The following SEC24D variants were observed in gnomAD, a reference collection of about 807,000 sequenced individuals.
The protein encoded by SEC24D is SEC24 homolog D, COPII component.
In SEC24D, 69 loss-of-function variants were observed where a neutral mutation model predicts 116.9. That is an observed-to-expected ratio of 0.59 (90% CI 0.49 to 0.72). The LOEUF is 0.72. SEC24D is among the 30% of genes least tolerant of loss of function. The probability of loss-of-function intolerance (pLI) is 0.00; values close to 1 mark genes in which losing one functional copy is unlikely to be tolerated. For missense variants in SEC24D, 1,131 were observed against 1,264.1 expected (o/e 0.89, Z 1.60); for synonymous variants, 405 against 442.8 (o/e 0.91, Z 1.07).
At chr4:118,818,996 GA>G (rs562660169) in intron 3 of SEC24D, among the ~76,000 whole-genome samples, 11 of 152,124 alleles carry the variant, frequency 7.2e-5, no homozygotes, top group Admixed American at 1.3e-4. Context: ...ATAAAAGATA[GA>G]AAATACAAAC....
At chr4:118,792,784 A>G (rs977458758) in intron 8 of SEC24D, among the ~76,000 whole-genome samples, 8 of 151,996 alleles carry the variant, frequency 5.3e-5, no homozygotes, top group African/African-American at 1.9e-4. Context: ...GCCTAGGAAA[A>G]CCAGAGACCT....
At position 118,805,873 on chromosome 4, in the gene SEC24D, C is replaced by G; in HGVS notation, c.883G>C (p.Val295Leu). 1 of 1,585,792 alleles carries G rather than the reference C, an allele frequency of 6.3e-7. No individual in the cohort carries two copies. The highest frequency in any genetic ancestry group is 8.6e-7 in the Non-Finnish European group (1 of 1,168,500). ...TNTRGQIPPL[V>L]TTDCMIQDQG... ...TCTTGTATCATGCAATCTGTAGTGA[C>G]CAGGGGAGGGATCTGGCCTCTGGTG... is the stretch of plus-strand genomic sequence containing the variant. The change falls in exon 7 of 23, where the codon GTC becomes CTC. Residue 295 changes from valine to leucine, a missense_variant. By Grantham distance (32) the Val-to-Leu change is conservative (BLOSUM62 1). Coordinates refer to ENST00000280551, the MANE Select transcript of SEC24D (RefSeq NM_014822.4).
chr4:118,825,324 T>C (rs1275661529), intron 2 of SEC24D: 1 of 298,318 alleles, frequency 3.4e-6, no homozygotes, highest in African/African-American at 2.2e-5. Flanking sequence ...GACTGCTCAC[T>C]CACAGAGTCA....
At position 118,783,179 on chromosome 4, in the gene SEC24D, T is replaced by C. The variant is rs567283499; in HGVS notation, c.1041+14504A>G. Among the ~76,000 whole-genome samples the C allele has an allele frequency of 2.0e-5, 3 of 152,308 alleles. No individual in the cohort carries two copies. In the South Asian group the frequency reaches 6.2e-4, roughly 32 times the overall value. ...TTGGAAATGCAGAAATCACCCGTCT[T>C]CTGCGTCAATCACGCTCAGAGCTGC... On this transcript the variant is annotated intron_variant, in intron 8 of 22. Transcript: ENST00000280551.
intron 8 of SEC24D, among the ~76,000 whole-genome samples, chr4:118,791,443 A>G (rs1233156573): frequency 6.6e-6 from 1 of 152,192 alleles, no homozygotes; most frequent in Admixed American, 6.5e-5. Context: ...CAGTTTACTT[A>G]TATCTAAAAT....
chr4:118,770,577 C>A (rs920815556), intron 8 of SEC24D, among the ~76,000 whole-genome samples: 1 of 152,128 alleles, frequency 6.6e-6, no homozygotes, highest in East Asian at 1.9e-4. Context: ...TTTTCTCATC[C>A]TTTTATTTTC....
chr4:118,810,992 G>A (rs1578463212), intron 6 of SEC24D, among the ~76,000 whole-genome samples: 1 of 152,322 alleles, frequency 6.6e-6, no homozygotes, highest in African/African-American at 2.4e-5. Context: ...AAACAGATGT[G>A]TCAAATTGCT....
Position 118,740,792 on chromosome 4 carries a change from A to G in SEC24D, c.2109T>C (p.Asp703=), listed in dbSNP as rs1578386383. ...TGTTCATCAAGATTCCACCAAAGAAATCAGTGGCTCTGAAACCTAAAGATA... is the reference window on the plus strand; with the variant it reads ...TGTTCATCAAGATTCCACCAAAGAAGTCAGTGGCTCTGAAACCTAAAGATA... ...VRTSTGFRAT[D]FFGGILMNNT... Residue 703 remains aspartate (D), a synonymous_variant, in exon 17 of 23, where the codon GAT becomes GAC. Coordinates refer to ENST00000280551, the MANE Select transcript of SEC24D (RefSeq NM_014822.4). 6.2e-7 allele frequency: 1 copy of G among 1,613,890 alleles called. No individual in the cohort carries two copies. Among genetic ancestry groups the G allele is most frequent in the African/African-American group, 1.3e-5 (1 of 75,010 alleles).
chr4:118,753,325 A>T (rs939823103), intron 11 of SEC24D, among the ~76,000 whole-genome samples: 1 of 152,156 alleles, frequency 6.6e-6, no homozygotes, highest in Non-Finnish European at 1.5e-5. Flanking sequence ...CTAACAGGAC[A>T]GCTGCTTTTA....
intron 8 of SEC24D, among the ~76,000 whole-genome samples, chr4:118,785,709 T>C (rs1310464974): frequency 2.0e-5 from 3 of 152,200 alleles, no homozygotes; most frequent in Admixed American, 1.3e-4. Flanking sequence ...CCATGCAACA[T>C]TCCTTTAAAA....
intron 4 of SEC24D, 55 bp downstream of exon 4, chr4:118,817,209 T>C: frequency 7.0e-7 from 1 of 1,437,086 alleles, no homozygotes; most frequent in Non-Finnish European, 9.4e-7. Flanking sequence ...ACCTCTCTCA[T>C]TAAAAATGAC....
In SEC24D at chr4:118,752,769, A is replaced by C. The variant is rs780757503; in HGVS notation, c.1541T>G (p.Val514Gly). ...CAACAAAGGAACAAAGACTTCTCCA[A>C]CATCAGTCACCACCATCATCTGAGG... The part of the protein sequence containing the change: ...AQPQMMVVTD[V>G]GEVFVPLLDG... The change falls in exon 12 of 23, where the codon GTT becomes GGT. Residue 514 changes from valine (V) to glycine (G), a missense_variant. Transcript: ENST00000280551. 1 of 1,612,320 alleles carries C rather than the reference A, an allele frequency of 6.2e-7. No homozygotes were observed. Among genetic ancestry groups the C allele is most frequent in the South Asian group, 1.1e-5 (1 of 90,754 alleles).
intron 8 of SEC24D, among the ~76,000 whole-genome samples, chr4:118,777,430 A>G (rs1051509546): frequency 1.3e-5 from 2 of 152,162 alleles, no homozygotes; most frequent in Non-Finnish European, 2.9e-5. Flanking sequence ...CCATGACCCT[A>G]AAAAGGACAT....
intron 8 of SEC24D, among the ~76,000 whole-genome samples, chr4:118,794,922 A>G (rs1047888745): frequency 3.3e-5 from 5 of 152,188 alleles, no homozygotes; most frequent in East Asian, 1.9e-4. Context: ...CAATGTGTGT[A>G]CCATTCTATC....
rs1289184123 is a variant in SEC24D at position 118,740,786 on chromosome 4, A to T, written c.2115T>A (p.Phe705Leu). Reference sequence around the variant, plus strand: ...TGGTGTTGTTCATCAAGATTCCACCAAAGAAATCAGTGGCTCTGAAACCTA... The same window carrying T: ...TGGTGTTGTTCATCAAGATTCCACCTAAGAAATCAGTGGCTCTGAAACCTA... ...TSTGFRATDF[F>L]GGILMNNTTD... Residue 705 changes from phenylalanine (F) to leucine (L), a missense_variant, in exon 17 of 23, where the codon TTT (phenylalanine) becomes TTA (leucine). By Grantham distance (22) the Phe-to-Leu change is conservative (BLOSUM62 0). Transcript: ENST00000280551. The T allele has an allele frequency of 6.2e-7, 1 of 1,613,916 alleles. No homozygotes were observed.
chr4:118,799,418 C>T (rs900483391), intron 7 of SEC24D, among the ~76,000 whole-genome samples: 1 of 152,118 alleles, frequency 6.6e-6, no homozygotes, highest in Admixed American at 6.5e-5. Flanking sequence ...CACAGTCATA[C>T]AGCAATGCTG....
chr4:118,792,748 G>C (rs990110640), intron 8 of SEC24D, among the ~76,000 whole-genome samples: 2 of 151,928 alleles, frequency 1.3e-5, no homozygotes, highest in Non-Finnish European at 2.9e-5. Context: ...GGGACACAAA[G>C]ACTGCGGAAG....
chr4:118,814,683 G>A (rs960520435), intron 6 of SEC24D, among the ~76,000 whole-genome samples: 3 of 151,842 alleles, frequency 2.0e-5, no homozygotes, highest in African/African-American at 7.3e-5. Context: ...ATCTAAAATA[G>A]CATATTTCTA....
Position 118,797,724 on chromosome 4 carries a change from C to T in SEC24D, c.1000G>A (p.Ala334Thr). 6.2e-7 allele frequency: 1 copy of T among 1,610,766 alleles called. No individual in the cohort carries two copies. The highest frequency in any genetic ancestry group is 8.5e-7 in the Non-Finnish European group (1 of 1,177,674). Reference sequence around the variant, plus strand: ...GTGGCAAAGGGCTTGATGACAGCAGCTAATGGAATCTGAGCTTGCTTAGCC... The same window carrying T: ...GTGGCAAAGGGCTTGATGACAGCAGTTAATGGAATCTGAGCTTGCTTAGCC... Reference protein sequence around the residue: ...DMAKQAQIPLAAVIKPFATIP... With the variant: ...DMAKQAQIPLTAVIKPFATIP... The change falls in exon 8 of 23, where the codon GCT becomes ACT. Residue 334 changes from alanine to threonine, a missense_variant. Ala to Thr is a moderately conservative substitution (Grantham distance 58). Transcript: ENST00000280551.
Sources: allele counts gnomAD v4.1 joint callset (sites outside exome capture counted in the v4.1 genomes callset), GRCh38; gene constraint gnomAD v4.1.1; transcripts MANE v1.5; gene names NCBI Gene and HGNC (gene_info 2026-07-23, HGNC 2026-07-21).